KIAA1328: variants seen among roughly 807,000 people sequenced by gnomAD.
KIAA1328 encodes the protein KIAA1328.
In KIAA1328, 52 loss-of-function variants were observed where a neutral mutation model predicts 68.1. The ratio of observed to expected loss-of-function variants is 0.76; its 90% CI spans 0.61 to 0.96. The LOEUF (loss-of-function observed/expected upper bound fraction) is 0.96. Ranked by LOEUF, KIAA1328 falls within the 40% of genes least tolerant of loss-of-function variation. KIAA1328 has a pLI of 0.00. For missense variants in KIAA1328, 641 were observed against 677.6 expected (o/e 0.95, Z 0.60); for synonymous variants, 232 against 239.4 (o/e 0.97, Z 0.28).
At chr18:37,027,331 C>G (rs1777303990) in intron 6 of KIAA1328, among the ~76,000 whole-genome samples, 2 of 152,176 alleles carry the variant, frequency 1.3e-5, no homozygotes. Flanking sequence ...CCCCATCAAG[C>G]TACCAATGAC....
At chr18:36,993,903 C>T (rs954595911) in intron 6 of KIAA1328, among the ~76,000 whole-genome samples, 3 of 150,510 alleles carry the variant, frequency 2.0e-5, no homozygotes, top group Non-Finnish European at 4.4e-5. Context: ...TATTTCCTTC[C>T]GTAACTGTTT....
intron 6 of KIAA1328, among the ~76,000 whole-genome samples, chr18:37,066,375 T>A (rs1218876292): frequency 6.6e-6 from 1 of 152,224 alleles, no homozygotes. Context: ...GTTGGTTTTA[T>A]CTGTGTTCTG....
At chr18:37,199,252 C>T (rs1410669642) in intron 9 of KIAA1328, among the ~76,000 whole-genome samples, 1 of 152,188 alleles carries the variant, frequency 6.6e-6, no homozygotes, top group Non-Finnish European at 1.5e-5. Context: ...CCTCCTCCCA[C>T]CTTCTGCCAT....
At chr18:36,988,413 C>T (rs2053033023) in intron 6 of KIAA1328, among the ~76,000 whole-genome samples, 1 of 152,132 alleles carries the variant, frequency 6.6e-6, no homozygotes, top group Non-Finnish European at 1.5e-5. Context: ...TTATTACCAT[C>T]CAGATCAATA....
intron 7 of KIAA1328, among the ~76,000 whole-genome samples, chr18:37,131,742 T>G (rs917515581): frequency 6.6e-6 from 1 of 152,210 alleles, no homozygotes; most frequent in Non-Finnish European, 1.5e-5. Context: ...AAAAAAAGAC[T>G]ATCATGTAAA....
At chr18:37,105,916 CAAAAAAAAAA>C (rs58940699) in intron 7 of KIAA1328, among the ~76,000 whole-genome samples, 19 of 19,504 alleles carry the variant, frequency 9.7e-4, no homozygotes, top group Admixed American at 3.1e-3. Flanking sequence ...GACTCTGTGT[CAAAAAAAAAA>C]AAAAAAAAAA....
chr18:36,927,137 T>A (rs1684671249), intron 5 of KIAA1328, among the ~76,000 whole-genome samples: 1 of 152,136 alleles, frequency 6.6e-6, no homozygotes, highest in African/African-American at 2.4e-5. Context: ...CATTTTAACA[T>A]GAGATTTGGA....
chr18:37,217,367 T>A (rs2060464497), intron 9 of KIAA1328, among the ~76,000 whole-genome samples: 1 of 152,184 alleles, frequency 6.6e-6, no homozygotes, highest in Non-Finnish European at 1.5e-5. Flanking sequence ...GGCCTGGTGG[T>A]GACAAAATCT....
At chr18:37,110,194 G>C (rs2057890739) in intron 7 of KIAA1328, among the ~76,000 whole-genome samples, 1 of 151,938 alleles carries the variant, frequency 6.6e-6, no homozygotes, top group Non-Finnish European at 1.5e-5. Flanking sequence ...GGATATTATG[G>C]TCTAATTGAT....
At chr18:37,137,538 A>G (rs1259676168) in intron 7 of KIAA1328, among the ~76,000 whole-genome samples, 1 of 152,098 alleles carries the variant, frequency 6.6e-6, no homozygotes, top group East Asian at 1.9e-4. Flanking sequence ...GCTAATTCTC[A>G]AATCTTTTTA....
At position 36,836,234 on chromosome 18, in the gene KIAA1328, C is replaced by T. The variant is rs113242632; in HGVS notation, c.237+858C>T. Among the ~76,000 whole-genome samples the T allele has an allele frequency of 4.7e-3, 718 of 152,218 alleles. 7 individuals carry two copies. Among genetic ancestry groups the T allele is most frequent in the African/African-American group, 0.016 (681 of 41,556 alleles). On this transcript the variant is annotated intron_variant, in intron 3 of 9. Transcript: ENST00000280020. ...ACTTTACGTTACTTGTACCAGTGTA[C>T]CCACTTCACACTGGGGTGTGAATAG...
At chr18:37,105,846 G>A (rs2057755001) in intron 7 of KIAA1328, among the ~76,000 whole-genome samples, 1 of 133,158 alleles carries the variant, frequency 7.5e-6, no homozygotes, top group South Asian at 2.6e-4. Flanking sequence ...GGACCCAGGA[G>A]ACAGAGGTTG....
rs1299320651 is a variant in KIAA1328, at chr18:37,160,249, A to G, written c.1282A>G (p.Ile428Val). ...CTGGCTGCTTGGAACATCATCATCT[A>G]TTAAAAAGCACCAAGACCCCCCAAA... ...DGWLLGTSSS[I>V]KKHQDPPNSG... Residue 428 changes from isoleucine (I) to valine (V), a missense_variant, in exon 8 of 10, where the codon ATT becomes GTT. Physicochemically the swap from Ile to Val is conservative, Grantham distance 29. Transcript: ENST00000280020. 1.9e-6 allele frequency: 3 copies of G among 1,613,424 alleles called. No individual in the cohort carries two copies. Among genetic ancestry groups the G allele is most frequent in the Non-Finnish European group, 1.7e-6 (2 of 1,179,688 alleles).
At chr18:36,970,069 G>A (rs1169518090) in intron 6 of KIAA1328, among the ~76,000 whole-genome samples, 1 of 152,158 alleles carries the variant, frequency 6.6e-6, no homozygotes, top group East Asian at 1.9e-4. Context: ...TAAAATACTG[G>A]CACACCAAAT....
At chr18:37,102,835 G>A (rs2057662495) in intron 7 of KIAA1328, among the ~76,000 whole-genome samples, 1 of 152,036 alleles carries the variant, frequency 6.6e-6, no homozygotes, top group African/African-American at 2.4e-5. Context: ...AAAACTTAAA[G>A]GCACCACCAA....
intron 6 of KIAA1328, among the ~76,000 whole-genome samples, chr18:37,038,025 C>G (rs1331445193): frequency 1.3e-5 from 2 of 151,974 alleles, no homozygotes; most frequent in African/African-American, 2.4e-5. Context: ...GGCGTGAACC[C>G]AGGAGGCAGA....
chr18:36,830,597 A>G (rs978337036), intron 1 of KIAA1328, among the ~76,000 whole-genome samples: 3 of 152,126 alleles, frequency 2.0e-5, no homozygotes, highest in African/African-American at 4.8e-5. Flanking sequence ...GGGACAAGCT[A>G]TTGCAATGGG....
At position 37,081,853 on chromosome 18, in the gene KIAA1328, G is replaced by A. The variant is rs547559536; in HGVS notation, c.1232+14308G>A. Reference sequence around the variant, plus strand: ...ACACCCCGACTCTTCATTATAACACGGTCAAAATCCCACTAAAAATTTCTG... The same window carrying A: ...ACACCCCGACTCTTCATTATAACACAGTCAAAATCCCACTAAAAATTTCTG... On this transcript the variant is annotated intron_variant, in intron 7 of 9. Transcript: ENST00000280020. 2.0e-4 allele frequency among the ~76,000 whole-genome samples: 30 copies of A among 152,008 alleles called. No individual in the cohort carries two copies. In the South Asian group the frequency reaches 2.9e-3, roughly 15 times the overall value.
intron 7 of KIAA1328, among the ~76,000 whole-genome samples, chr18:37,113,657 A>G (rs1184456336): frequency 6.6e-6 from 1 of 152,196 alleles, no homozygotes; most frequent in Non-Finnish European, 1.5e-5. Context: ...CACACATAAC[A>G]ATATTAACCT....
Sources: gnomAD v4.1 joint callset for allele counts (sites outside exome capture counted in the v4.1 genomes callset) on GRCh38, gnomAD v4.1.1 for gene constraint, MANE v1.5 for transcripts, NCBI Gene and HGNC (gene_info 2026-07-23, HGNC 2026-07-21) for gene names.